Variants in SYN3 observed in about 807,000 individuals in gnomAD.
SYN3 encodes synapsin-3.
In SYN3, 35 loss-of-function variants were observed where a neutral mutation model predicts 65.8. That is an observed-to-expected ratio of 0.53 (90% confidence interval 0.41 to 0.70). The LOEUF is 0.70. Ranked by LOEUF, SYN3 falls within the 30% of genes least tolerant of loss-of-function variation. The pLI, the probability that SYN3 is intolerant of heterozygous loss-of-function variation, is 0.00. For synonymous variants in SYN3, 270 were observed against 292.9 expected, an observed-to-expected ratio of 0.92 and a Z score of 0.80; for missense variants, 680 against 749.0, an observed-to-expected ratio of 0.91 and a Z score of 1.08.
intron 6 of SYN3, among the ~76,000 whole-genome samples, chr22:32,814,141 TGA>T (rs1205873097): frequency 2.4e-4 from 24 of 98,494 alleles, no homozygotes; most frequent in South Asian, 8.1e-4. Flanking sequence ...TGTGTGTGTG[TGA>T]GAGAGAGAGA....
intron 6 of SYN3, among the ~76,000 whole-genome samples, chr22:32,778,597 T>C (rs1267357760): frequency 1.3e-5 from 2 of 152,166 alleles, no homozygotes; most frequent in Non-Finnish European, 2.9e-5. Flanking sequence ...CGGCCAAGAC[T>C]GCATTTTTTT....
At chr22:32,720,830 C>T (rs1274426945) in intron 6 of SYN3, among the ~76,000 whole-genome samples, 1 of 152,192 alleles carries the variant, frequency 6.6e-6, no homozygotes, top group African/African-American at 2.4e-5. Context: ...ATTGGAAGAC[C>T]CAGAGCTCAG....
At chr22:32,771,530 G>T (rs575901757) in intron 6 of SYN3, among the ~76,000 whole-genome samples, 6 of 152,288 alleles carry the variant, frequency 3.9e-5, no homozygotes, top group East Asian at 3.9e-4. Flanking sequence ...CTGACATTAG[G>T]CCAGTTACTT....
chr22:32,770,471 C>T (rs112828129), intron 6 of SYN3, among the ~76,000 whole-genome samples: 3 of 152,240 alleles, frequency 2.0e-5, no homozygotes, highest in South Asian at 2.1e-4. Flanking sequence ...TGCCTCTCCT[C>T]GTCACTCTCT....
intron 6 of SYN3, among the ~76,000 whole-genome samples, chr22:32,609,767 C>A (rs931221781): frequency 3.2e-4 from 49 of 152,018 alleles, no homozygotes; most frequent in Middle Eastern, 3.2e-3. Flanking sequence ...ACTGGGATTA[C>A]AGGTGTGAGC....
chr22:32,792,744 G>A (rs2046349814), intron 6 of SYN3, among the ~76,000 whole-genome samples: 1 of 152,140 alleles, frequency 6.6e-6, no homozygotes. Context: ...TCAGAGGTAG[G>A]TACTATGCTT....
intron 1 of SYN3, among the ~76,000 whole-genome samples, chr22:33,016,328 T>G (rs1348548482): frequency 1.3e-5 from 2 of 152,230 alleles, no homozygotes; most frequent in Non-Finnish European, 2.9e-5. Context: ...CTGCTGAACT[T>G]GAAATAGCCT....
In SYN3 at chr22:33,022,395, G is replaced by A. The variant is rs115397077; in HGVS notation, c.-162-15571C>T. Among the ~76,000 whole-genome samples, 1,422 of 152,330 alleles carry A rather than the reference G, an allele frequency of 9.3e-3. 20 individuals are homozygous for A. The highest frequency in any genetic ancestry group is 0.032 in the African/African-American group (1,322 of 41,570). On this transcript the variant is annotated intron_variant, in intron 1 of 13. Coordinates refer to ENST00000358763, the MANE Select transcript of SYN3 (RefSeq NM_003490.4). ...AAGATGCTTAACTTCCTGAAGAGCAGGTCCAACATGCACCTGCTGAGGAAG... is the reference window on the plus strand; with the variant it reads ...AAGATGCTTAACTTCCTGAAGAGCAAGTCCAACATGCACCTGCTGAGGAAG...
chr22:32,796,588 G>A (rs1183618168), intron 6 of SYN3, among the ~76,000 whole-genome samples: 3 of 152,132 alleles, frequency 2.0e-5, no homozygotes, highest in African/African-American at 7.2e-5. Context: ...GCCCAGTGCT[G>A]GGCAGCAGCC....
At chr22:32,647,152 C>T (rs1458079003) in intron 6 of SYN3, among the ~76,000 whole-genome samples, 2 of 152,126 alleles carry the variant, frequency 1.3e-5, no homozygotes, top group Non-Finnish European at 2.9e-5. Flanking sequence ...GAAAACTGGC[C>T]TTTGGTCTTG....
chr22:33,048,283 C>T (rs549409341), intron 1 of SYN3, among the ~76,000 whole-genome samples: 63 of 152,040 alleles, frequency 4.1e-4, no homozygotes, highest in African/African-American at 1.4e-3. Context: ...AAACTATTAA[C>T]GTGATATAAT....
chr22:32,868,798 T>C (rs1213323874), intron 5 of SYN3, among the ~76,000 whole-genome samples, 168 bp downstream of exon 5: 2 of 152,142 alleles, frequency 1.3e-5, no homozygotes, highest in Non-Finnish European at 2.9e-5. Context: ...TTAATATAAT[T>C]GTTAGGCAAC....
intron 1 of SYN3, among the ~76,000 whole-genome samples, chr22:33,046,856 A>AG: frequency 6.6e-6 from 1 of 150,842 alleles, no homozygotes; most frequent in East Asian, 2.0e-4. Context: ...AAAAAAAAAA[A>AG]AAAAAAAAAA....
chr22:32,865,899 C>G lies in SYN3; in HGVS notation c.622-895G>C, dbSNP rs148915789. ...ACAGAGTAGGGAGTCAGGATGATCC[C>G]CTGGAGCAGACGACATAAGAGAAGG... On this transcript the variant is annotated intron_variant, in intron 5 of 13. Transcript: ENST00000358763. Among the ~76,000 whole-genome samples the G allele has an allele frequency of 2.0e-4, 30 of 152,140 alleles. No homozygotes were observed. The East Asian group carries it at 4.6e-3, about 24-fold the overall frequency.
intron 6 of SYN3, among the ~76,000 whole-genome samples, chr22:32,691,918 G>C (rs1401705042): frequency 6.6e-6 from 1 of 151,990 alleles, no homozygotes; most frequent in African/African-American, 2.4e-5. Context: ...TGGGGTGAAA[G>C]TTTATTTTCC....
rs1477607647 is a variant in SYN3, at chr22:32,931,406, C to A, written c.445G>T (p.Gly149Trp). ...CCTACTTACCTCACCACTTTGGTCC[C>A]ATTTCTCACGACCTGCATGTCCACC... is the stretch of plus-strand genomic sequence containing the variant. ...CMVDMQVVRN[G>W]TKVVSRSFKP... Residue 149 changes from glycine to tryptophan, a missense_variant, in exon 4 of 14, where the codon GGG becomes TGG. Gly to Trp is a radical substitution (Grantham distance 184). Coordinates refer to ENST00000358763, the MANE Select transcript of SYN3 (RefSeq NM_003490.4). 1 of 1,613,142 alleles carries A rather than the reference C, an allele frequency of 6.2e-7. No individual in the cohort carries two copies.
At chr22:33,013,285 A>G (rs778510719) in intron 1 of SYN3, among the ~76,000 whole-genome samples, 11 of 152,230 alleles carry the variant, frequency 7.2e-5, no homozygotes, top group Non-Finnish European at 1.2e-4. Flanking sequence ...AGGGAGGCCA[A>G]TCATGAACAT....
chr22:33,052,386 A>ATCCTCC (rs141808112), intron 1 of SYN3, among the ~76,000 whole-genome samples: 1 of 151,770 alleles, frequency 6.6e-6, no homozygotes, highest in African/African-American at 2.4e-5. Context: ...TCTCTAAAGA[A>ATCCTCC]TCCTCCTCCT....
At chr22:33,040,815 G>C (rs1057458864) in intron 1 of SYN3, among the ~76,000 whole-genome samples, 12 of 152,092 alleles carry the variant, frequency 7.9e-5, no homozygotes, top group Non-Finnish European at 1.8e-4. Flanking sequence ...GAAGGTGTTT[G>C]CTTGCCCTTC....
Sources: allele counts gnomAD v4.1 joint callset (sites outside exome capture counted in the v4.1 genomes callset), GRCh38; gene constraint gnomAD v4.1.1; transcripts MANE v1.5; gene names NCBI Gene and HGNC (gene_info 2026-07-23, HGNC 2026-07-21).